BCKDHB: variants seen among roughly 807,000 people sequenced by gnomAD.
BCKDHB encodes the protein branched chain keto acid dehydrogenase E1 subunit beta, also known as 2-oxoisovalerate dehydrogenase subunit beta, mitochondrial.
A neutral mutation model predicts 48.5 loss-of-function variants in BCKDHB; 41 were observed. That is an observed-to-expected ratio of 0.85 (90% CI 0.66 to 1.10). The LOEUF (loss-of-function observed/expected upper bound fraction) is 1.10. BCKDHB is among the 50% of genes least tolerant of loss of function. The pLI, the probability that BCKDHB is intolerant of heterozygous loss-of-function variation, is 0.00. For missense variants in BCKDHB, 496 were observed against 494.2 expected (o/e 1.00, Z -0.03); for synonymous variants, 201 against 174.8 (o/e 1.15, Z -1.18).
At chr6:80,439,684 T>C in the BCKDHB span, among the ~76,000 whole-genome samples, 33 of 152,256 alleles carry the variant, frequency 2.2e-4, 1 homozygote, top group East Asian at 7.7e-4. Flanking sequence ...TTTGAAAGTA[T>C]ACACAAGTAA....
intron 3 of BCKDHB, among the ~76,000 whole-genome samples, chr6:80,164,096 G>A (rs141920323): frequency 0.023 from 3,496 of 152,224 alleles, 60 homozygotes; most frequent in Non-Finnish European, 0.031. Context: ...AGAATGGCAT[G>A]ACCGTACTCA....
intron 9 of BCKDHB, among the ~76,000 whole-genome samples, chr6:80,275,495 AAT>A (rs1229804295): frequency 2.3e-4 from 35 of 152,162 alleles, no homozygotes; most frequent in African/African-American, 8.4e-4. Flanking sequence ...TGGATTTATT[AAT>A]ATGAGAAATT....
At chr6:80,246,043 T>TC (rs1201761433) in intron 8 of BCKDHB, among the ~76,000 whole-genome samples, 2 of 152,168 alleles carry the variant, frequency 1.3e-5, no homozygotes, top group Admixed American at 1.3e-4. Flanking sequence ...TCCCCTGCAC[T>TC]CCAATGTGTG....
chr6:80,435,027 G>A, the BCKDHB span, among the ~76,000 whole-genome samples: 1,472 of 152,074 alleles, frequency 9.7e-3, 15 homozygotes, highest in African/African-American at 0.034. Flanking sequence ...TTCTAATCTC[G>A]AACTTAGAAA....
At chr6:80,269,991 C>T (rs1464059035) in intron 8 of BCKDHB, among the ~76,000 whole-genome samples, 1 of 151,962 alleles carries the variant, frequency 6.6e-6, no homozygotes, top group Non-Finnish European at 1.5e-5. Context: ...ATCAGAATAT[C>T]TAATTAAAAT....
the BCKDHB span, among the ~76,000 whole-genome samples, chr6:80,371,047 T>A: frequency 8.8e-4 from 134 of 152,264 alleles, 1 homozygote; most frequent in East Asian, 0.024. Context: ...TGCTTTTAGT[T>A]CTTTAAGGAA....
At chr6:80,234,680 TGCTGGCTGTGTATACTAAAA>T (rs1006084950) in intron 8 of BCKDHB, among the ~76,000 whole-genome samples, 4 of 152,124 alleles carry the variant, frequency 2.6e-5, no homozygotes, top group African/African-American at 9.7e-5. Flanking sequence ...GCAATCCCAC[TGCTGGCTGTGTATACTAAAA>T]AAAAGAAATC....
chr6:80,406,056 A>G, the BCKDHB span, among the ~76,000 whole-genome samples: 91 of 151,986 alleles, frequency 6.0e-4, no homozygotes, highest in East Asian at 6.8e-3. Context: ...ATTCCCACCT[A>G]TGAATGAGAA....
Position 80,148,134 on chromosome 6 carries a change from T to C in BCKDHB, c.343+18905T>C, listed in dbSNP as rs531503637. Among the ~76,000 whole-genome samples the C allele has an allele frequency of 2.0e-5, 3 of 152,310 alleles. No individual in the cohort carries two copies. In the South Asian group the frequency reaches 6.2e-4, roughly 32 times the overall value. On this transcript the variant is annotated intron_variant, in intron 3 of 9. Transcript: ENST00000320393. ...GTAGAATACATTTAGATTTCTTTAG[T>C]TCTGAAATGCTTGATTATACTCTGT...
the BCKDHB span, among the ~76,000 whole-genome samples, chr6:80,361,258 A>G: frequency 6.6e-6 from 1 of 152,044 alleles, no homozygotes; most frequent in Non-Finnish European, 1.5e-5. Context: ...AACAAACTCA[A>G]TATTTGTTCA....
the BCKDHB span, among the ~76,000 whole-genome samples, chr6:80,377,293 C>T: frequency 5.9e-5 from 9 of 152,086 alleles, no homozygotes; most frequent in African/African-American, 9.7e-5. Context: ...CTGTCCTCCT[C>T]GGCCTCCCAA....
chr6:80,292,876 C>CTTCA (rs2127985712), intron 9 of BCKDHB, among the ~76,000 whole-genome samples: 1 of 152,338 alleles, frequency 6.6e-6, no homozygotes, highest in African/African-American at 2.4e-5. Context: ...CCATACAAGA[C>CTTCA]TGAAATCTAG....
intron 1 of BCKDHB, among the ~76,000 whole-genome samples, chr6:80,122,539 C>T (rs1353468616): frequency 5.3e-5 from 8 of 152,130 alleles, no homozygotes; most frequent in African/African-American, 1.4e-4. Flanking sequence ...GCTGGGCCGC[C>T]GGGGGTGACA....
the BCKDHB span, among the ~76,000 whole-genome samples, chr6:80,372,235 G>T: frequency 1.3e-5 from 2 of 151,916 alleles, no homozygotes; most frequent in African/African-American, 4.8e-5. Context: ...TATTGTAAAA[G>T]GTGTTGAGTT....
rs1162957224 is a variant in BCKDHB, at chr6:80,154,060, C to A, written c.344-13618C>A. ...CCTTCTACCTGTGCCTGTCGAAATT[C>A]TGCCCATTCTTCAGTGCCTAATTCA... On this transcript the variant is annotated intron_variant, in intron 3 of 9. Coordinates refer to ENST00000320393, the MANE Select transcript of BCKDHB (RefSeq NM_183050.4). Among the ~76,000 whole-genome samples the A allele has an allele frequency of 2.0e-5, 3 of 152,188 alleles. No homozygotes were observed. The East Asian group carries it at 5.8e-4, about 29-fold the overall frequency.
chr6:80,261,962 G>A (rs1433836670), intron 8 of BCKDHB, among the ~76,000 whole-genome samples: 1 of 152,092 alleles, frequency 6.6e-6, no homozygotes, highest in Admixed American at 6.6e-5. Flanking sequence ...GGTGGGGTTC[G>A]CTTTGATTCT....
At chr6:80,409,598 A>G in the BCKDHB span, among the ~76,000 whole-genome samples, 1 of 53,074 alleles carries the variant, frequency 1.9e-5, no homozygotes, top group South Asian at 6.2e-4. Context: ...ATATATATAT[A>G]TATATATATA....
At chr6:80,176,879 AG>A (rs1562111374) in intron 6 of BCKDHB, among the ~76,000 whole-genome samples, 1 of 152,178 alleles carries the variant, frequency 6.6e-6, no homozygotes, top group Non-Finnish European at 1.5e-5. Flanking sequence ...AAACAAGAAA[AG>A]GAAGCTATAA....
the BCKDHB span, among the ~76,000 whole-genome samples, chr6:80,395,576 A>G: frequency 6.6e-6 from 1 of 152,242 alleles, no homozygotes; most frequent in African/African-American, 2.4e-5. Flanking sequence ...GAAGCAGAGC[A>G]TAAAAGTTTG....
Sources: allele counts gnomAD v4.1 joint callset (sites outside exome capture counted in the v4.1 genomes callset), GRCh38; gene constraint gnomAD v4.1.1; transcripts MANE v1.5; gene names NCBI Gene and HGNC (gene_info 2026-07-23, HGNC 2026-07-21).